STOX2: variants seen among roughly 807,000 people sequenced by gnomAD.
STOX2 encodes the protein storkhead-box protein 2.
Under a neutral mutation model 60.9 loss-of-function variants are expected in STOX2, and 28 were observed. That is an observed-to-expected ratio of 0.46 (90% CI 0.34 to 0.63). STOX2 has a LOEUF of 0.63. Ranked by LOEUF, STOX2 falls within the 30% of genes least tolerant of loss-of-function variation. STOX2 has a pLI of 0.01. For missense variants in STOX2, 1,024 were observed against 1,187.7 expected (o/e 0.86, Z 2.03); for synonymous variants, 472 against 463.9 (o/e 1.02, Z -0.22).
chr4:184,003,223 A>G (rs1329905194), intron 2 of STOX2, among the ~76,000 whole-genome samples: 3 of 152,318 alleles, frequency 2.0e-5, no homozygotes, highest in Non-Finnish European at 4.4e-5. Flanking sequence ...TTTTATTTTT[A>G]TATAGCTTCA....
At chr4:184,003,512 A>G (rs1733681006) in intron 2 of STOX2, among the ~76,000 whole-genome samples, 1 of 152,244 alleles carries the variant, frequency 6.6e-6, no homozygotes, top group African/African-American at 2.4e-5. Flanking sequence ...CTTCTGTGTG[A>G]CACTGATGAC....
chr4:183,798,891 T>TCCGGCGG, intron 1 of STOX2: 4 of 184,974 alleles, frequency 2.2e-5, no homozygotes, highest in Non-Finnish European at 2.9e-5. Context: ...GTACTTTGGG[T>TCCGGCGG]TTTATACTTT....
intron 1 of STOX2, among the ~76,000 whole-genome samples, chr4:183,881,163 C>T (rs1358051123): frequency 2.6e-5 from 4 of 152,102 alleles, no homozygotes; most frequent in Admixed American, 6.5e-5. Context: ...AGAGGTGCAG[C>T]CACACCATCA....
chr4:183,961,952 G>A (rs1325544100), intron 1 of STOX2, among the ~76,000 whole-genome samples: 1 of 152,216 alleles, frequency 6.6e-6, no homozygotes, highest in Non-Finnish European at 1.5e-5. Flanking sequence ...CTTTGAAGTG[G>A]GCTGGAGTCC....
Position 184,009,136 on chromosome 4 carries a change from G to GTGTTTT in STOX2, c.320-21_320-20insGTTTTT. 4.2e-6 allele frequency: 3 copies of GTGTTTT among 716,354 alleles called. No homozygotes were observed. The highest frequency in any genetic ancestry group is 1.9e-5 in the African/African-American group (1 of 53,450). 44.4% of individuals were successfully genotyped at this position (716,354 alleles called of 1,614,324 possible). A position where few individuals can be genotyped will look rare whatever the true frequency, so the allele number is the denominator to read the frequency against. ...TGTTCTGTCTTCATTCTCACAAGTG[G>GTGTTTT]TTTTTTTTTTTTTTTTTTCAGGTGT... On this transcript the variant is annotated intron_variant, in intron 2 of 3. Transcript: ENST00000308497. This position sits in a 1 kb window ranked among gnomAD's most constrained non-coding sequence, Gnocchi z 4.0.
intron 1 of STOX2, among the ~76,000 whole-genome samples, chr4:183,834,125 C>T (rs1223996701): frequency 6.7e-6 from 1 of 149,664 alleles, no homozygotes; most frequent in Non-Finnish European, 1.5e-5. Context: ...AGAATGGCTA[C>T]AGCAGTGTTA....
intron 1 of STOX2, among the ~76,000 whole-genome samples, chr4:183,837,237 A>G (rs762960897): frequency 7.2e-5 from 11 of 152,182 alleles, no homozygotes; most frequent in Non-Finnish European, 1.3e-4. Context: ...TAAATCATTC[A>G]TAAGTGTACA....
chr4:183,798,591 A>G (rs1406554145), intron 1 of STOX2: 2 of 983,314 alleles, frequency 2.0e-6, no homozygotes, highest in South Asian at 9.4e-5. Context: ...GCGCGCACGC[A>G]TTTCTCAACG....
rs979732808 is a variant in STOX2, at chr4:183,950,948, G to A, written c.166+43992G>A. ...GACAGTAGTGCGGCCGGGCGCGGTG[G>A]CTCACGCCTGTAATCCCAGCACTTT... is the stretch of plus-strand genomic sequence containing the variant. On this transcript the variant is annotated intron_variant, in intron 1 of 3. Coordinates refer to ENST00000308497, the MANE Select transcript of STOX2 (RefSeq NM_020225.3). Among the ~76,000 whole-genome samples, 12 of 152,272 alleles carry A rather than the reference G, an allele frequency of 7.9e-5. No individual in the cohort carries two copies. In the South Asian group the frequency reaches 1.0e-3, roughly 13 times the overall value.
At chr4:183,883,890 C>T (rs1348516746) in intron 1 of STOX2, among the ~76,000 whole-genome samples, 4 of 150,674 alleles carry the variant, frequency 2.7e-5, no homozygotes, top group Non-Finnish European at 4.4e-5. Context: ...CTTGCTCCAT[C>T]GCCCAGGCTA....
chr4:183,801,066 T>G (rs1670205495), intron 1 of STOX2, among the ~76,000 whole-genome samples: 1 of 152,230 alleles, frequency 6.6e-6, no homozygotes, highest in Admixed American at 6.5e-5. Context: ...TTGGTGCCTG[T>G]AATTCCAAAA....
At chr4:183,830,532 G>A (rs1218803146) in intron 1 of STOX2, among the ~76,000 whole-genome samples, 2 of 152,170 alleles carry the variant, frequency 1.3e-5, no homozygotes, top group Non-Finnish European at 2.9e-5. Context: ...CCTTAGCCAT[G>A]ACCCCAGGCT....
chr4:183,990,631 G>A (rs1215184396), intron 1 of STOX2, among the ~76,000 whole-genome samples: 1 of 113,254 alleles, frequency 8.8e-6, no homozygotes, highest in Non-Finnish European at 1.7e-5. Flanking sequence ...TAGAGAGTTA[G>A]AATGATCTGG....
intron 1 of STOX2, among the ~76,000 whole-genome samples, chr4:183,968,772 G>A (rs1193935877): frequency 6.6e-6 from 1 of 151,324 alleles, no homozygotes; most frequent in African/African-American, 2.4e-5. Context: ...GGGGGGTGTT[G>A]GGTGGCAGGG....
At chr4:183,832,906 G>A (rs1171622255) in intron 1 of STOX2, among the ~76,000 whole-genome samples, 1 of 152,224 alleles carries the variant, frequency 6.6e-6, no homozygotes, top group Non-Finnish European at 1.5e-5. Flanking sequence ...GAACAGTGAT[G>A]TCTCCTTTTA....
rs910055429 is a variant in STOX2, at chr4:184,020,685, G to T, written c.*3401G>T. 1 of 142,268 alleles carries T rather than the reference G, an allele frequency of 7.0e-6. No individual in the cohort carries two copies. The highest frequency in any genetic ancestry group is 2.5e-5 in the African/African-American group (1 of 40,314). The allele number at this position is 142,268 out of a possible 1,614,324, so 8.8% of individuals were successfully genotyped here. A position where few individuals can be genotyped will look rare whatever the true frequency, so the allele number is the denominator to read the frequency against. ...GGGACCATAATGAACATATGAAAGGGGGGGGGGTGCCATCAAATAGAGAAA... is the reference window on the plus strand; with the variant it reads ...GGGACCATAATGAACATATGAAAGGTGGGGGGGTGCCATCAAATAGAGAAA... On this transcript the variant is annotated 3_prime_UTR_variant, in exon 4 of 4. Coordinates refer to ENST00000308497, the MANE Select transcript of STOX2 (RefSeq NM_020225.3).
chr4:183,863,050 C>T (rs1397374883), intron 1 of STOX2, among the ~76,000 whole-genome samples: 1 of 152,158 alleles, frequency 6.6e-6, no homozygotes, highest in South Asian at 2.1e-4. Flanking sequence ...GATCTTCCGA[C>T]CTAAGAAACA....
At chr4:183,963,260 T>C (rs940553214) in intron 1 of STOX2, among the ~76,000 whole-genome samples, 2 of 152,144 alleles carry the variant, frequency 1.3e-5, no homozygotes, top group Non-Finnish European at 2.9e-5. Context: ...AAACATGTGG[T>C]CTCTATTCTT....
intron 1 of STOX2, among the ~76,000 whole-genome samples, chr4:183,984,575 T>C (rs1201509412): frequency 6.6e-6 from 1 of 152,230 alleles, no homozygotes; most frequent in Non-Finnish European, 1.5e-5. Context: ...CTGATAAATA[T>C]TTTTAATTGA....
Sources: allele counts gnomAD v4.1 joint callset (sites outside exome capture counted in the v4.1 genomes callset), GRCh38; gene constraint gnomAD v4.1.1; non-coding constraint Gnocchi (gnomAD v3.1); transcripts MANE v1.5; gene names NCBI Gene and HGNC (gene_info 2026-07-23, HGNC 2026-07-21).